Variants in ASIC2 observed in about 807,000 individuals in gnomAD.
ASIC2 encodes the protein acid sensing ion channel subunit 2.
ASIC2 carries 25 observed loss-of-function variants against 57.3 expected under a neutral mutation model. That is an observed-to-expected ratio of 0.44 (90% CI 0.32 to 0.61). The LOEUF (loss-of-function observed/expected upper bound fraction) is 0.61, where lower values mean the gene tolerates loss of function less well. ASIC2 is among the 20% of genes least tolerant of loss of function. The pLI, the probability that ASIC2 is intolerant of heterozygous loss-of-function variation, is 0.06. For synonymous variants in ASIC2, 319 were observed against 307.5 expected (o/e 1.04, Z -0.39); for missense variants, 641 against 738.1 (o/e 0.87, Z 1.52).
chr17:33,896,760 C>G (rs1384068281), intron 1 of ASIC2, among the ~76,000 whole-genome samples: 3 of 152,210 alleles, frequency 2.0e-5, no homozygotes. Context: ...ATAGGCGAAA[C>G]AGTTTACCCC....
At chr17:33,068,653 C>T (rs223035) in intron 3 of ASIC2, among the ~76,000 whole-genome samples, 137,127 of 152,300 alleles carry the variant, frequency 0.9, 61,797 homozygotes, top group East Asian at 0.96. Flanking sequence ...CAATTATTTA[C>T]AGTTTTCTTA....
intron 1 of ASIC2, among the ~76,000 whole-genome samples, chr17:33,667,920 G>A (rs920286891): frequency 2.6e-5 from 4 of 152,156 alleles, no homozygotes; most frequent in Admixed American, 6.5e-5. Context: ...ACACAACCTC[G>A]TGACCATTAT....
chr17:33,161,857 GTTTTTTTTTTT>G lies in ASIC2; in HGVS notation c.709-49801_709-49791del, dbSNP rs199823485. Among the ~76,000 whole-genome samples, 7 of 94,226 alleles carry G rather than the reference GTTTTTTTTTTT, an allele frequency of 7.4e-5. 1 individual carries two copies. In the South Asian group the frequency reaches 1.1e-3, roughly 14 times the overall value. The allele number at this position is 94,226 out of a possible 152,430, so 61.8% of individuals were successfully genotyped here. A position where few individuals can be genotyped will look rare whatever the true frequency, so the allele number is the denominator to read the frequency against. On this transcript the variant is annotated intron_variant, in intron 1 of 9. Transcript: ENST00000225823. ...TAAGTAATAAAGCCAGAATTCCTAGGTTTTTTTTTTTTTTTTTTTTTTTTTTTTTGCTTCAA... is the reference window on the plus strand; with the variant it reads ...TAAGTAATAAAGCCAGAATTCCTAGGTTTTTTTTTTTTTTTTTTGCTTCAA...
rs151315614 is a variant in ASIC2 at position 34,031,199 on chromosome 17, T to C, written c.555+124779A>G. ...AACGATCAGGCAGCAGCATTTGCGG[T>C]TCACCAATATCTGCTGTTCTTCAGC... On this transcript the variant is annotated intron_variant, in intron 1 of 9. Transcript: ENST00000359872. 7.7e-3 allele frequency among the ~76,000 whole-genome samples: 1,169 copies of C among 152,318 alleles called. 19 individuals are homozygous for C. The highest frequency in any genetic ancestry group is 0.027 in the African/African-American group (1,106 of 41,564).
intron 2 of ASIC2, among the ~76,000 whole-genome samples, chr17:33,102,782 GTTTA>G (rs879748896): frequency 2.7e-3 from 413 of 152,060 alleles, no homozygotes; most frequent in African/African-American, 9.4e-3. Flanking sequence ...TTGTTTGTTT[GTTTA>G]TTTATTTATT....
At chr17:33,216,290 G>T (rs549206706) in intron 1 of ASIC2, among the ~76,000 whole-genome samples, 30 of 152,298 alleles carry the variant, frequency 2.0e-4, no homozygotes, top group Non-Finnish European at 3.4e-4. Context: ...ACGTCATCTA[G>T]AGAGTGATAC....
intron 1 of ASIC2, among the ~76,000 whole-genome samples, chr17:33,817,959 CGGGG>C (rs1912635955): frequency 3.9e-5 from 6 of 152,130 alleles, no homozygotes; most frequent in African/African-American, 1.4e-4. Flanking sequence ...CACATGGTTT[CGGGG>C]TACCACATTT....
chr17:34,041,686 T>G (rs1017113681), intron 1 of ASIC2, among the ~76,000 whole-genome samples: 1 of 152,144 alleles, frequency 6.6e-6, no homozygotes, highest in Non-Finnish European at 1.5e-5. Context: ...CCCCTCTCAG[T>G]GGGGCTAACA....
chr17:33,674,033 A>G (rs748014270), intron 1 of ASIC2, among the ~76,000 whole-genome samples: 7 of 152,102 alleles, frequency 4.6e-5, no homozygotes, highest in African/African-American at 1.7e-4. Flanking sequence ...AGCTGGGGCT[A>G]TAGGCACATG....
chr17:33,953,201 T>A (rs1377754406), intron 1 of ASIC2, among the ~76,000 whole-genome samples: 2 of 152,224 alleles, frequency 1.3e-5, no homozygotes, highest in Admixed American at 6.5e-5. Flanking sequence ...ATGACATTTC[T>A]CCTACCTTTT....
intron 3 of ASIC2, among the ~76,000 whole-genome samples, chr17:33,055,163 A>G (rs1484658111): frequency 1.3e-5 from 2 of 152,198 alleles, no homozygotes; most frequent in Non-Finnish European, 2.9e-5. Context: ...AACAGTGAGA[A>G]TTCATGGTTG....
chr17:33,060,747 T>A (rs987909161), intron 3 of ASIC2, among the ~76,000 whole-genome samples: 19 of 152,226 alleles, frequency 1.2e-4, no homozygotes, highest in African/African-American at 3.6e-4. Flanking sequence ...TAAATTACCT[T>A]GGGCAGTATG....
At chr17:33,666,871 C>T (rs1419544830) in intron 1 of ASIC2, among the ~76,000 whole-genome samples, 1 of 152,100 alleles carries the variant, frequency 6.6e-6, no homozygotes, top group Admixed American at 6.6e-5. Context: ...CTGCAAGATG[C>T]CCAGTTAAAT....
intron 1 of ASIC2, among the ~76,000 whole-genome samples, chr17:34,016,538 CA>C (rs1906988608): frequency 1.3e-5 from 2 of 148,390 alleles, no homozygotes; most frequent in East Asian, 4.0e-4. Context: ...TTGAGGTAAA[CA>C]AATAGTGAAA....
intron 2 of ASIC2, among the ~76,000 whole-genome samples, chr17:33,093,481 A>G (rs143271946): frequency 6.6e-6 from 1 of 152,174 alleles, no homozygotes; most frequent in Non-Finnish European, 1.5e-5. Context: ...TACTACATAC[A>G]TACTATGTAG....
chr17:33,312,370 A>T (rs1339743548), intron 1 of ASIC2, among the ~76,000 whole-genome samples: 1 of 152,134 alleles, frequency 6.6e-6, no homozygotes, highest in South Asian at 2.1e-4. Context: ...TCATTTCACC[A>T]TGGATCCAAG....
intron 1 of ASIC2, among the ~76,000 whole-genome samples, chr17:33,629,901 C>T (rs950265496): frequency 2.0e-5 from 3 of 152,166 alleles, no homozygotes; most frequent in Non-Finnish European, 2.9e-5. Context: ...TTATGTTTCT[C>T]AGCTGCAGTA....
intron 1 of ASIC2, among the ~76,000 whole-genome samples, chr17:33,776,721 G>C (rs1353614958): frequency 2.0e-5 from 3 of 152,184 alleles, no homozygotes; most frequent in Non-Finnish European, 2.9e-5. Flanking sequence ...TCGGAGGCCT[G>C]AGCTCTACCG....
chr17:33,557,252 T>C (rs1915935105), intron 1 of ASIC2, among the ~76,000 whole-genome samples: 1 of 152,154 alleles, frequency 6.6e-6, no homozygotes, highest in Admixed American at 6.6e-5. Context: ...AAAAACCAAG[T>C]GTAGTCTCAG....
Sources: allele counts gnomAD v4.1 joint callset (sites outside exome capture counted in the v4.1 genomes callset), GRCh38; gene constraint gnomAD v4.1.1; transcripts MANE v1.5; gene names NCBI Gene and HGNC (gene_info 2026-07-23, HGNC 2026-07-21).